Variants in ABLIM3 observed in about 807,000 individuals in gnomAD.
ABLIM3 encodes the protein actin-binding LIM protein 3.
A neutral mutation model predicts 109.5 loss-of-function variants in ABLIM3; 61 were observed. The ratio of observed to expected loss-of-function variants is 0.56; its 90% CI spans 0.45 to 0.69. The LOEUF (loss-of-function observed/expected upper bound fraction) is 0.69. Among genes scored for constraint, ABLIM3 ranks in the 30% least tolerant of loss-of-function variants. The pLI is 0.00. For missense variants in ABLIM3, 796 were observed against 889.5 expected (o/e 0.89, Z 1.34); for synonymous variants, 300 against 324.8 (o/e 0.92, Z 0.82).
intron 7 of ABLIM3, among the ~76,000 whole-genome samples, chr5:149,213,555 G>T (rs1460495671): frequency 6.6e-6 from 1 of 152,148 alleles, no homozygotes; most frequent in African/African-American, 2.4e-5. Context: ...TAGGTTGAAG[G>T]GTCAATGCGG....
intron 3 of ABLIM3, among the ~76,000 whole-genome samples, chr5:149,195,556 G>T (rs1372804246): frequency 5.3e-5 from 8 of 152,076 alleles, no homozygotes; most frequent in African/African-American, 1.9e-4. Flanking sequence ...TTTTCCTATG[G>T]TGGCCTGGAT....
chr5:149,189,552 A>C (rs1757287526), intron 3 of ABLIM3, among the ~76,000 whole-genome samples: 1 of 152,234 alleles, frequency 6.6e-6, no homozygotes, highest in African/African-American at 2.4e-5. Flanking sequence ...AAAGGATATG[A>C]ATAGACATTT....
At chr5:149,240,402 A>C (rs1752692117) in intron 13 of ABLIM3, 3 of 513,966 alleles carry the variant, frequency 5.8e-6, no homozygotes, top group Non-Finnish European at 1.1e-5. Flanking sequence ...GTTCAAACTA[A>C]CATGCCTTCC....
At chr5:149,233,413 A>T in intron 10 of ABLIM3, 113 bp downstream of exon 10, 1 of 1,066,940 alleles carries the variant, frequency 9.4e-7, no homozygotes, top group South Asian at 1.3e-5. Flanking sequence ...CATTTGATGC[A>T]TGCTCTTCAT....
chr5:149,149,348 A>G (rs1049376227), intron 2 of ABLIM3, among the ~76,000 whole-genome samples: 6 of 152,238 alleles, frequency 3.9e-5, no homozygotes, highest in Non-Finnish European at 7.3e-5. Context: ...GTCTCAGTGA[A>G]TGGAGTTGAG....
intron 8 of ABLIM3, among the ~76,000 whole-genome samples, chr5:149,222,701 A>G (rs2127533905): frequency 6.9e-6 from 1 of 144,326 alleles, no homozygotes; most frequent in Non-Finnish European, 1.5e-5. Flanking sequence ...AGAGGATACA[A>G]GGTCCTGGTT....
intron 2 of ABLIM3, among the ~76,000 whole-genome samples, chr5:149,163,226 G>A (rs1754537084): frequency 1.3e-5 from 2 of 152,100 alleles, no homozygotes; most frequent in Non-Finnish European, 2.9e-5. Context: ...TAGAATGAGT[G>A]AGGAAAGGAG....
chr5:149,162,718 G>T (rs144531775), intron 2 of ABLIM3, among the ~76,000 whole-genome samples: 2 of 152,064 alleles, frequency 1.3e-5, no homozygotes, highest in Admixed American at 1.3e-4. Flanking sequence ...GTGCCCCTCC[G>T]TAGGCCTCAT....
intron 2 of ABLIM3, among the ~76,000 whole-genome samples, chr5:149,173,192 G>T (rs1459353371): frequency 6.6e-6 from 1 of 152,202 alleles, no homozygotes; most frequent in Non-Finnish European, 1.5e-5. Flanking sequence ...GAAGGGTTCT[G>T]TCACATGGCG....
In ABLIM3 at chr5:149,237,539, T is replaced by G. The variant is rs1421943410; in HGVS notation, c.980T>G (p.Ile327Ser). The G allele has an allele frequency of 1.2e-6, 2 of 1,614,106 alleles. No homozygotes were observed. The highest frequency in any genetic ancestry group is 1.7e-6 in the Non-Finnish European group (2 of 1,180,050). Residue 327 changes from isoleucine to serine, a missense_variant, in exon 11 of 24, where the codon ATT (isoleucine) becomes AGT (serine). Coordinates refer to ENST00000309868, the MANE Select transcript of ABLIM3 (RefSeq NM_014945.5). ...TACGAGGTACAACGCCCCGACCTCA[T>G]TTCCTATGAGCCTCATTCCAGATAC... ...SIYEVQRPDL[I>S]SYEPHSRYMS...
chr5:149,194,086 C>T (rs4235743), intron 3 of ABLIM3, among the ~76,000 whole-genome samples: 55,176 of 151,836 alleles, frequency 0.36, 10,177 homozygotes, highest in East Asian at 0.53. Flanking sequence ...AATTCAACAA[C>T]GTAAAAACTG....
At chr5:149,150,091 G>A (rs747291767) in intron 2 of ABLIM3, among the ~76,000 whole-genome samples, 1 of 152,190 alleles carries the variant, frequency 6.6e-6, no homozygotes, top group Non-Finnish European at 1.5e-5. Context: ...TCAGGAGCCA[G>A]AGGGCAAGGA....
At chr5:149,150,737 T>C (rs1753355077) in intron 2 of ABLIM3, among the ~76,000 whole-genome samples, 1 of 152,246 alleles carries the variant, frequency 6.6e-6, no homozygotes, top group Non-Finnish European at 1.5e-5. Flanking sequence ...TTCGACTTTC[T>C]GGGTATTTTG....
chr5:149,237,493 C>A lies in ABLIM3; in HGVS notation c.934C>A (p.Leu312Ile). The change falls in exon 11 of 24, where the codon CTC becomes ATC. Residue 312 changes from leucine (L) to isoleucine (I), a missense_variant. Physicochemically the swap from Leu to Ile is conservative, Grantham distance 5. Coordinates refer to ENST00000309868, the MANE Select transcript of ABLIM3 (RefSeq NM_014945.5). ...CCTTAATTACAAAGACCTGGCGGCT[C>A]TCCCCAAGGTTAAGTCTATCTACGA... ...EILNYKDLAA[L>I]PKVKSIYEVQ... 1 of 1,614,182 alleles carries A rather than the reference C, an allele frequency of 6.2e-7. No homozygotes were observed. Among genetic ancestry groups the A allele is most frequent in the Non-Finnish European group, 8.5e-7 (1 of 1,180,034 alleles).
chr5:149,249,644 C>A (rs1753740032), intron 18 of ABLIM3, among the ~76,000 whole-genome samples, 171 bp from the exon 19 acceptor site: 1 of 152,168 alleles, frequency 6.6e-6, no homozygotes, highest in Non-Finnish European at 1.5e-5. Context: ...AGATGGGGTG[C>A]AAGTGCAACA....
intron 2 of ABLIM3, among the ~76,000 whole-genome samples, chr5:149,143,732 A>G (rs1752690191): frequency 6.6e-6 from 1 of 152,138 alleles, no homozygotes; most frequent in African/African-American, 2.4e-5. Flanking sequence ...ACAGGCTGGA[A>G]TGGTGTTTTG....
At chr5:149,233,601 A>G (rs1376782873) in intron 10 of ABLIM3, among the ~76,000 whole-genome samples, 1 of 152,192 alleles carries the variant, frequency 6.6e-6, no homozygotes, top group Non-Finnish European at 1.5e-5. Context: ...TCTAAAACCA[A>G]TGCAAGGTGC....
chr5:149,210,429 A>G (rs1225140883), intron 6 of ABLIM3, among the ~76,000 whole-genome samples: 1 of 152,236 alleles, frequency 6.6e-6, no homozygotes, highest in African/African-American at 2.4e-5. Flanking sequence ...GTTAGTGGCT[A>G]TTAGTCATAG....
intron 8 of ABLIM3, 135 bp from the exon 9 acceptor site, chr5:149,230,514 G>T: frequency 2.3e-6 from 2 of 875,504 alleles, no homozygotes; most frequent in South Asian, 2.9e-5. Flanking sequence ...GGAGGGAGCT[G>T]GGAAAGCCAA....
Sources: allele counts gnomAD v4.1 joint callset (sites outside exome capture counted in the v4.1 genomes callset), GRCh38; gene constraint gnomAD v4.1.1; transcripts MANE v1.5; gene names NCBI Gene and HGNC (gene_info 2026-07-23, HGNC 2026-07-21).